Variants in ANKFY1 observed in about 807,000 individuals in gnomAD.
ANKFY1 encodes ankyrin repeat and FYVE domain-containing protein 1.
A neutral mutation model predicts 128.3 loss-of-function variants in ANKFY1; 47 were observed. The ratio of observed to expected loss-of-function variants is 0.37; its 90% CI spans 0.29 to 0.47. The LOEUF is 0.47. Ranked by LOEUF, ANKFY1 falls within the 20% of genes least tolerant of loss-of-function variation. The probability of loss-of-function intolerance (pLI) is 1.00; values close to 1 mark genes in which losing one functional copy is unlikely to be tolerated. For synonymous variants in ANKFY1, 553 were observed against 601.6 expected (o/e 0.92, Z 1.18); for missense variants, 1,222 against 1,510.6 (o/e 0.81, Z 3.17).
Position 4,235,852 on chromosome 17 carries a change from G to A in ANKFY1, c.242C>T (p.Ala81Val). ...GCGGGCTGCCAGGACAAACTTGTGA[G>A]CACTGATGTGCCTGTCCCCAACCTT... ...KIKVGDRHIS[A>V]HKFVLAARSD... The change falls in exon 3 of 25, where the codon GCT becomes GTT. Residue 81 changes from alanine to valine, a missense_variant. Coordinates refer to ENST00000341657, the MANE Select transcript of ANKFY1 (RefSeq NM_001330063.2). 1 of 1,614,104 alleles carries A rather than the reference G, an allele frequency of 6.2e-7. No individual in the cohort carries two copies. Among genetic ancestry groups the A allele is most frequent in the Non-Finnish European group, 8.5e-7 (1 of 1,180,014 alleles).
intron 4 of ANKFY1, among the ~76,000 whole-genome samples, chr17:4,214,370 C>G (rs549846919): frequency 2.0e-5 from 3 of 152,064 alleles, no homozygotes; most frequent in African/African-American, 7.2e-5. Context: ...CCAAGGAACA[C>G]GTAATCTTAT....
chr17:4,223,913 A>G (rs1378091691), intron 3 of ANKFY1: 2 of 630,422 alleles, frequency 3.2e-6, no homozygotes. Context: ...ACAGAAGCAC[A>G]TTTGTCTTCC....
At chr17:4,228,101 G>C (rs1353637556) in intron 3 of ANKFY1, among the ~76,000 whole-genome samples, 1 of 151,758 alleles carries the variant, frequency 6.6e-6, no homozygotes, top group Admixed American at 6.6e-5. Flanking sequence ...TCCATCAACA[G>C]GTAAATGCAA....
intron 4 of ANKFY1, among the ~76,000 whole-genome samples, chr17:4,213,698 C>T (rs991747394): frequency 6.6e-6 from 1 of 151,448 alleles, no homozygotes; most frequent in Non-Finnish European, 1.5e-5. Context: ...CTCTGCCTCC[C>T]GTGTAGCTGG....
rs1281650478 is a variant in ANKFY1 at position 4,179,018 on chromosome 17, T to G, written c.2437A>C (p.Ser813Arg). Residue 813 changes from serine to arginine, a missense_variant, in exon 18 of 25, where the codon AGC (serine) becomes CGC (arginine). Transcript: ENST00000341657. ...GRTPIHVAIS[S>R]QHGVIIQLLV... The stretch of plus-strand genomic sequence containing the variant: ...AGCTGAATGATGACACCGTGTTGGC[T>G]GCTGATGGCCACGTGGATGGGGGTT... The G allele has an allele frequency of 1.2e-6, 2 of 1,614,248 alleles. No homozygotes were observed. The highest frequency in any genetic ancestry group is 4.5e-5 in the East Asian group (2 of 44,888).
rs978770562 is a variant in ANKFY1, at chr17:4,202,196, G to T, written c.898+4125C>A. ...GGCGGGCATTTCACTTGAGGCCAGG[G>T]GTTTGAGACCAGCCTGGCCAACATG... On this transcript the variant is annotated intron_variant, in intron 7 of 24. Coordinates refer to ENST00000341657, the MANE Select transcript of ANKFY1 (RefSeq NM_001330063.2). Among the ~76,000 whole-genome samples, 3 of 149,648 alleles carry T rather than the reference G, an allele frequency of 2.0e-5. No homozygotes were observed. In the Admixed American group the frequency reaches 2.0e-4, roughly 10 times the overall value.
chr17:4,189,947 A>G (rs902589626), intron 10 of ANKFY1, among the ~76,000 whole-genome samples: 2 of 152,154 alleles, frequency 1.3e-5, no homozygotes, highest in South Asian at 2.1e-4. Flanking sequence ...GGAACATCCA[A>G]TTCCTCCCTG....
intron 19 of ANKFY1, 38 bp downstream of exon 19, chr17:4,177,088 C>A (rs775782105): frequency 2.0e-6 from 3 of 1,509,108 alleles, no homozygotes; most frequent in Non-Finnish European, 1.8e-6. Flanking sequence ...TATGCTTTGA[C>A]AACATATTAT....
intron 19 of ANKFY1, among the ~76,000 whole-genome samples, chr17:4,174,810 A>C (rs541737733): frequency 2.6e-5 from 4 of 152,020 alleles, no homozygotes; most frequent in Admixed American, 1.3e-4. Context: ...GCAGCCTTGA[A>C]CGCCTGGGCT....
rs760125585 is a variant in ANKFY1, at chr17:4,183,462, T to C, written c.1888A>G (p.Ile630Val). 5 of 1,613,678 alleles carry C rather than the reference T, an allele frequency of 3.1e-6. No individual in the cohort carries two copies. In the East Asian group the frequency reaches 8.9e-5, roughly 29 times the overall value. Residue 630 changes from isoleucine (I) to valine (V), a missense_variant, in exon 14 of 25, where the codon ATA (isoleucine) becomes GTA (valine). Physicochemically the swap from Ile to Val is conservative, Grantham distance 29 (BLOSUM62 3). Coordinates refer to ENST00000341657, the MANE Select transcript of ANKFY1 (RefSeq NM_001330063.2). ...GCGCTCTTGCTGTCCTGCCGCTGTA[T>C]GGCCATGTGCAGTAGCGTCTGCCCA... ...SDGQTLLHMA[I>V]QRQDSKSALF...
chr17:4,233,140 A>G (rs144891371), intron 3 of ANKFY1, among the ~76,000 whole-genome samples: 2 of 152,304 alleles, frequency 1.3e-5, no homozygotes, highest in African/African-American at 2.4e-5. Flanking sequence ...AGGATCACCA[A>G]TGTTTGATTA....
chr17:4,184,070 T>G (rs2059566785), intron 12 of ANKFY1, among the ~76,000 whole-genome samples, 160 bp from the exon 13 acceptor site: 1 of 152,176 alleles, frequency 6.6e-6, no homozygotes, highest in Non-Finnish European at 1.5e-5. Context: ...AGCCCAGAAA[T>G]CTGATATTTT....
chr17:4,257,591 C>T (rs1968193430), intron 1 of ANKFY1, among the ~76,000 whole-genome samples: 1 of 152,162 alleles, frequency 6.6e-6, no homozygotes, highest in Admixed American at 6.5e-5. Context: ...ACAAGACTTT[C>T]CCTGATTATC....
At chr17:4,235,970 C>T (rs1188657712) in intron 2 of ANKFY1, 80 bp from the exon 3 acceptor site, 2 of 964,936 alleles carry the variant, frequency 2.1e-6, no homozygotes, top group East Asian at 2.4e-5. Flanking sequence ...CTGATAAACA[C>T]ATGAGTATTC....
At chr17:4,241,498 T>C (rs926063122) in intron 2 of ANKFY1, among the ~76,000 whole-genome samples, 13 of 151,602 alleles carry the variant, frequency 8.6e-5, no homozygotes, top group African/African-American at 3.1e-4. Flanking sequence ...GCCAGGATGA[T>C]CTCCTGACCT....
chr17:4,209,477 T>C (rs1455345613), intron 5 of ANKFY1, among the ~76,000 whole-genome samples: 1 of 152,154 alleles, frequency 6.6e-6, no homozygotes, highest in East Asian at 1.9e-4. Context: ...ATTTTTGTAT[T>C]TTTAGTAGAG....
intron 11 of ANKFY1, 96 bp downstream of exon 11, chr17:4,189,286 A>G (rs2059668233): frequency 9.3e-7 from 1 of 1,072,736 alleles, no homozygotes. Context: ...TTAAAAACTG[A>G]AAAAAACCAC....
intron 3 of ANKFY1, among the ~76,000 whole-genome samples, chr17:4,233,094 T>C (rs2060541612): frequency 6.6e-6 from 1 of 152,194 alleles, no homozygotes; most frequent in South Asian, 2.1e-4. Flanking sequence ...CTGGCAAATG[T>C]ACAAGAATAC....
At chr17:4,198,100 G>A (rs781780489) in intron 7 of ANKFY1, among the ~76,000 whole-genome samples, 6 of 151,106 alleles carry the variant, frequency 4.0e-5, no homozygotes, top group Admixed American at 2.0e-4. Context: ...TTGCACTCCA[G>A]CCTGGGGATT....
Sources: gnomAD v4.1 joint callset for allele counts (sites outside exome capture counted in the v4.1 genomes callset) on GRCh38, gnomAD v4.1.1 for gene constraint, MANE v1.5 for transcripts, NCBI Gene and HGNC (gene_info 2026-07-23, HGNC 2026-07-21) for gene names.